ZC3H4: variants seen among roughly 807,000 people sequenced by gnomAD.
The protein encoded by ZC3H4 is zinc finger CCCH-type containing 4.
In ZC3H4, 13 loss-of-function variants were observed where a neutral mutation model predicts 108.3. The observed-to-expected ratio is 0.12, with a 90% CI of 0.08 to 0.19. ZC3H4 has a LOEUF of 0.19. Ranked by LOEUF, ZC3H4 falls within the 10% of genes least tolerant of loss-of-function variation. The pLI is 1.00. For synonymous variants in ZC3H4, 917 were observed against 749.6 expected (o/e 1.22, Z -3.65); for missense variants, 1,734 against 1,838.8 (o/e 0.94, Z 1.04).
chr19:47,082,577 C>T (rs550780824), intron 9 of ZC3H4, among the ~76,000 whole-genome samples: 3 of 152,254 alleles, frequency 2.0e-5, no homozygotes, highest in South Asian at 4.1e-4. Flanking sequence ...CCTCCCAAAG[C>T]GCTGGGATTA....
chr19:47,072,277 C>G lies in ZC3H4; in HGVS notation c.1802+75G>C. On this transcript the variant is annotated intron_variant, in intron 12 of 14. Transcript: ENST00000253048. The surrounding 1 kb of genome is among the most constrained non-coding windows in gnomAD (Gnocchi z 5.6). ...GAGGCAGGACTCTCCCACAGCCAGG[C>G]TTGCCCTAACAAGAGGAGCCTGGCT... 1 of 1,505,304 alleles carries G rather than the reference C, an allele frequency of 6.6e-7. No individual in the cohort carries two copies. Among genetic ancestry groups the G allele is most frequent in the Non-Finnish European group, 9.0e-7 (1 of 1,108,586 alleles). The allele number at this position is 1,505,304 out of a possible 1,614,324, so 93.2% of individuals were successfully genotyped here. A position where few individuals can be genotyped will look rare whatever the true frequency, so the allele number is the denominator to read the frequency against.
intron 4 of ZC3H4, among the ~76,000 whole-genome samples, chr19:47,091,358 G>C (rs2057728473): frequency 6.6e-6 from 1 of 151,826 alleles, no homozygotes; most frequent in Admixed American, 6.6e-5. Flanking sequence ...ATCTCTTGAG[G>C]TCAGGAGTTC....
chr19:47,099,222 G>T (rs2057868789), intron 2 of ZC3H4, among the ~76,000 whole-genome samples: 1 of 152,152 alleles, frequency 6.6e-6, no homozygotes. Flanking sequence ...CACTTTGGGA[G>T]GCCGAGGTGG....
At chr19:47,075,962 C>T (rs1392765607) in intron 11 of ZC3H4, among the ~76,000 whole-genome samples, 2 of 152,180 alleles carry the variant, frequency 1.3e-5, no homozygotes, top group Non-Finnish European at 2.9e-5. Context: ...ACTAGCACCC[C>T]GCTAGGTGCC....
intron 2 of ZC3H4, among the ~76,000 whole-genome samples, chr19:47,095,346 C>A (rs2057804236): frequency 6.6e-6 from 1 of 152,224 alleles, no homozygotes; most frequent in Non-Finnish European, 1.5e-5. Flanking sequence ...TCCCAGGTCA[C>A]AAGGTCTGAC....
chr19:47,101,121 C>T (rs2057898476), intron 2 of ZC3H4, among the ~76,000 whole-genome samples: 1 of 151,982 alleles, frequency 6.6e-6, no homozygotes, highest in Admixed American at 6.6e-5. Flanking sequence ...AGGCGGATCA[C>T]TTGAGCCCTG....
In ZC3H4 at chr19:47,085,170, G is replaced by A; in HGVS notation, c.993C>T (p.Gly331=). Residue 331 remains glycine (G), a synonymous_variant, in exon 8 of 15, where the codon GGC becomes GGT. Transcript: ENST00000253048. ...CCATTCCTTTCCCTCGACCTCGGGA[G>A]CCCCTGCCACGGCCTCGACTTAGCC... ...GRGLSRGRGR[G]SRGRGKGMGR... is the part of the protein sequence containing the mutation. 6.2e-7 allele frequency: 1 copy of A among 1,613,220 alleles called. No homozygotes were observed. Among genetic ancestry groups the A allele is most frequent in the East Asian group, 2.2e-5 (1 of 44,814 alleles).
In ZC3H4 at chr19:47,094,375, G is replaced by C; in HGVS notation, c.381+14C>G. On this transcript the variant is annotated intron_variant, in intron 3 of 14. Coordinates refer to ENST00000253048, the MANE Select transcript of ZC3H4 (RefSeq NM_015168.2). The stretch of plus-strand genomic sequence containing the variant: ...ATGCCAGGCAGTGGCAGTCCCAGGG[G>C]ATCTCCGACCTACTTTGTGCTTGGA... 1.9e-6 allele frequency: 3 copies of C among 1,613,500 alleles called. No homozygotes were observed. Among genetic ancestry groups the C allele is most frequent in the Non-Finnish European group, 2.5e-6 (3 of 1,179,926 alleles).
intron 1 of ZC3H4, among the ~76,000 whole-genome samples, chr19:47,113,019 G>A (rs557741840): frequency 1.3e-5 from 2 of 152,240 alleles, no homozygotes; most frequent in Non-Finnish European, 2.9e-5. Flanking sequence ...GGGAGAGAGG[G>A]AACGGGCCGC....
intron 9 of ZC3H4, 59 bp downstream of exon 9, chr19:47,084,286 C>G (rs926432192): frequency 1.3e-6 from 2 of 1,530,320 alleles, no homozygotes; most frequent in African/African-American, 2.7e-5. Context: ...CTTCTGGAAG[C>G]CATGTGTCCT....
rs1245427628 is a variant in ZC3H4 at position 47,084,354 on chromosome 19, G to C, written c.1209C>G (p.Arg403=). 6.2e-7 allele frequency: 1 copy of C among 1,614,098 alleles called. No homozygotes were observed. The highest frequency in any genetic ancestry group is 1.3e-5 in the African/African-American group (1 of 74,946). Residue 403 remains arginine, a synonymous_variant, in exon 9 of 15, where the codon CGC becomes CGG. Coordinates refer to ENST00000253048, the MANE Select transcript of ZC3H4 (RefSeq NM_015168.2). ...KVICKYFVEG[R]CTWGDHCNFS... is the part of the protein sequence containing the mutation. ...TTTCAGCGCTCCTTACCCAGGTGCA[G>C]CGCCCTTCCACGAAGTACTTGCAAA... is the stretch of plus-strand genomic sequence containing the variant.
intron 2 of ZC3H4, 76 bp downstream of exon 2, chr19:47,112,348 A>G (rs1477755943): frequency 3.6e-5 from 43 of 1,211,220 alleles, no homozygotes; most frequent in Non-Finnish European, 4.1e-5. Flanking sequence ...CCGGCCCAAC[A>G]TGGCGGCCGC....
intron 11 of ZC3H4, among the ~76,000 whole-genome samples, chr19:47,078,889 T>G (rs958602818): frequency 6.6e-6 from 1 of 151,642 alleles, no homozygotes; most frequent in African/African-American, 2.4e-5. Context: ...TAGCCGGGTG[T>G]GGTGGTGGGC....
In ZC3H4 at chr19:47,085,293, G is replaced by A. The variant is rs372232802; in HGVS notation, c.967+25C>T. 7.4e-5 allele frequency: 104 copies of A among 1,405,354 alleles called. 1 individual carries two copies. The African/African-American group carries it at 7.8e-4, about 11-fold the overall frequency. The allele number at this position is 1,405,354 out of a possible 1,614,324, so 87.1% of individuals were successfully genotyped here. A position where few individuals can be genotyped will look rare whatever the true frequency, so the allele number is the denominator to read the frequency against. ...TGCTGGAATCCCTGCCCCACCCAGC[G>A]TGTCCTCTCCAGGCCCCTGCCCACC... On this transcript the variant is annotated intron_variant, in intron 7 of 14. Coordinates refer to ENST00000253048, the MANE Select transcript of ZC3H4 (RefSeq NM_015168.2).
At chr19:47,096,789 A>G (rs2057828197) in intron 2 of ZC3H4, 1 of 985,254 alleles carries the variant, frequency 1.0e-6, no homozygotes, top group African/African-American at 1.7e-5. Context: ...TATCTGTGCC[A>G]GGTTGCTTGA....
intron 4 of ZC3H4, 73 bp downstream of exon 4, chr19:47,093,897 C>G: frequency 1.5e-6 from 2 of 1,356,372 alleles, no homozygotes; most frequent in Non-Finnish European, 2.1e-6. Context: ...CAGAACACAG[C>G]AAGTGCTCAA....
chr19:47,074,971 C>T (rs753677460), intron 11 of ZC3H4, among the ~76,000 whole-genome samples: 14 of 152,190 alleles, frequency 9.2e-5, no homozygotes, highest in Non-Finnish European at 1.6e-4. Context: ...GCACAGATCC[C>T]TTAGTTGGTC....
Position 47,085,359 on chromosome 19 carries a change from T to A in ZC3H4, c.926A>T (p.Glu309Val). ...GDDDYDEYSK[E>V]LNQYRRSKDS... ...CTTGGAGCGGCGGTACTGGTTCAGC[T>A]CCTTGGAGTACTCGTCATAGTCGTC... The change falls in exon 7 of 15, where the codon GAG (glutamate) becomes GTG (valine). Residue 309 changes from glutamate (E) to valine (V), a missense_variant. This residue lies in a region of ZC3H4 where 403 missense variants were observed against 457.0 expected (regional missense o/e 0.88). Transcript: ENST00000253048. 1.2e-6 allele frequency: 2 copies of A among 1,603,676 alleles called. No individual in the cohort carries two copies. Among genetic ancestry groups the A allele is most frequent in the Non-Finnish European group, 1.7e-6 (2 of 1,174,594 alleles).
chr19:47,104,505 A>G (rs1043142732), intron 2 of ZC3H4, among the ~76,000 whole-genome samples: 5 of 152,304 alleles, frequency 3.3e-5, no homozygotes, highest in Non-Finnish European at 7.4e-5. Flanking sequence ...TGAAGTATCA[A>G]TCTCAGCTCT....
Sources: gnomAD v4.1 joint callset for allele counts (sites outside exome capture counted in the v4.1 genomes callset) on GRCh38, gnomAD v4.1.1 for gene constraint, gnomAD v4.1.1 regional missense constraint, Gnocchi (gnomAD v3.1) non-coding constraint, MANE v1.5 for transcripts, NCBI Gene and HGNC (gene_info 2026-07-23, HGNC 2026-07-21) for gene names.